PNPLA6: variants seen among roughly 807,000 people sequenced by gnomAD.
PNPLA6 encodes patatin-like phospholipase domain-containing protein 6.
A neutral mutation model predicts 153.7 loss-of-function variants in PNPLA6; 105 were observed. The ratio of observed to expected loss-of-function variants is 0.68; its 90% CI spans 0.58 to 0.80. The LOEUF (loss-of-function observed/expected upper bound fraction) is 0.80, where lower values mean the gene tolerates loss of function less well. Ranked by LOEUF, PNPLA6 falls within the 30% of genes least tolerant of loss-of-function variation. The pLI is 0.00. For missense variants in PNPLA6, 1,423 were observed against 1,919.3 expected (o/e 0.74, Z 4.83); for synonymous variants, 825 against 822.2 (o/e 1.00, Z -0.06).
At chr19:7,549,823 AT>A in intron 13 of PNPLA6, 83 bp from the exon 14 acceptor site, 1 of 1,357,782 alleles carries the variant, frequency 7.4e-7, no homozygotes, top group Non-Finnish European at 1.0e-6. Context: ...TTCTTCTTTA[AT>A]TTTTTCCTGT....
Position 7,541,312 on chromosome 19 carries a change from T to C in PNPLA6, c.925-42T>C, listed in dbSNP as rs1293737602. On this transcript the variant is annotated intron_variant, in intron 7 of 31. Transcript: ENST00000600737. This position sits in a 1 kb window ranked among gnomAD's most constrained non-coding sequence, Gnocchi z 5.2. ...CGGCCCACCATCTGGCCCTGCCCCT[T>C]ACCCCGCCCCATCTTATGGCCACGC... 6.4e-7 allele frequency: 1 copy of C among 1,567,312 alleles called. No individual in the cohort carries two copies. The highest frequency in any genetic ancestry group is 1.1e-5 in the South Asian group (1 of 89,508).
In PNPLA6 at chr19:7,541,040, C is replaced by G; in HGVS notation, c.913C>G (p.Arg305Gly). The change falls in exon 7 of 32, where the codon CGG becomes GGG. Residue 305 changes from arginine to glycine, a missense_variant. By Grantham distance (125) the Arg-to-Gly change is moderately radical. This residue lies in a region of PNPLA6 where 118 missense variants were observed against 158.8 expected (regional missense o/e 0.74). Transcript: ENST00000600737. The surrounding 1 kb of genome is among the most constrained non-coding windows in gnomAD (Gnocchi z 5.2). ...CACCAAGTACCCGGAGAGCTTGGTG[C>G]GGGTCGTGCAGGTCAGTGGGCCTTC... Reference protein sequence around the residue: ...VFTKYPESLVRVVQIIMVRLQ... With the variant: ...VFTKYPESLVGVVQIIMVRLQ... 1.2e-6 allele frequency: 2 copies of G among 1,608,660 alleles called. No individual in the cohort carries two copies. The highest frequency in any genetic ancestry group is 1.7e-6 in the Non-Finnish European group (2 of 1,178,368).
At chr19:7,561,400 T>G (rs911777766) in intron 31 of PNPLA6, 83 bp downstream of exon 31, 22 of 1,426,842 alleles carry the variant, frequency 1.5e-5, no homozygotes, top group Middle Eastern at 2.2e-4. Context: ...GGGGGCGTAT[T>G]TGAGATCCTG....
At chr19:7,535,676 A>G (rs1181855713), upstream of PNPLA6, 1 of 1,534,078 alleles carries the variant, frequency 6.5e-7, no homozygotes, top group South Asian at 1.2e-5. This position sits in a 1 kb window ranked among gnomAD's most constrained non-coding sequence, Gnocchi z 5.0. Context: ...TCTGGCGATA[A>G]CGCGCTGCGT....
At chr19:7,544,056 G>A (rs1369240082) in intron 13 of PNPLA6, among the ~76,000 whole-genome samples, 2 of 151,426 alleles carry the variant, frequency 1.3e-5, no homozygotes, top group Admixed American at 6.6e-5. Context: ...CTCGTGATCC[G>A]CCCGCCTAGG....
chr19:7,550,786 C>A, intron 16 of PNPLA6, 146 bp downstream of exon 16: 1 of 1,113,268 alleles, frequency 9.0e-7, no homozygotes, highest in Non-Finnish European at 1.3e-6. Context: ...GCCCAGACCT[C>A]ATTTCGTTGG....
chr19:7,557,429 T>C, intron 27 of PNPLA6, 145 bp downstream of exon 27: 1 of 692,876 alleles, frequency 1.4e-6, no homozygotes, highest in South Asian at 1.5e-5. Flanking sequence ...TGCGCACACA[T>C]ACGATCACTT....
chr19:7,561,226 T>A lies in PNPLA6; in HGVS notation c.3932T>A (p.Leu1311Gln). ...GCADGEESDC[L>Q]TEYEEDAGPD... ...ATTCCAGGAGAGGAGTCAGATTGTCTGACAGAGTATGAGGAGGACGCCGGA... is the reference window on the plus strand; with the variant it reads ...ATTCCAGGAGAGGAGTCAGATTGTCAGACAGAGTATGAGGAGGACGCCGGA... Residue 1311 changes from leucine to glutamine, a missense_variant, in exon 31 of 32, where the codon CTG (leucine) becomes CAG (glutamine). Physicochemically the swap from Leu to Gln is moderately radical, Grantham distance 113. Coordinates refer to ENST00000600737, the MANE Select transcript of PNPLA6 (RefSeq NM_001166114.2). The A allele has an allele frequency of 6.2e-7, 1 of 1,610,152 alleles. No homozygotes were observed. Among genetic ancestry groups the A allele is most frequent in the South Asian group, 1.1e-5 (1 of 90,146 alleles).
intron 16 of PNPLA6, 73 bp from the exon 17 acceptor site, chr19:7,550,921 G>A: frequency 8.5e-7 from 1 of 1,174,602 alleles, no homozygotes; most frequent in Non-Finnish European, 1.2e-6. Context: ...GGGCAGTACA[G>A]CCCCCTTTCC....
intron 13 of PNPLA6, among the ~76,000 whole-genome samples, chr19:7,549,092 C>T (rs1311677515): frequency 2.7e-5 from 4 of 150,724 alleles, no homozygotes; most frequent in Non-Finnish European, 5.9e-5. Context: ...CATGAGCCAT[C>T]GCGCCCGGCT....
intron 26 of PNPLA6, 123 bp downstream of exon 26, chr19:7,556,847 A>C (rs2023899572): frequency 1.3e-6 from 1 of 785,906 alleles, no homozygotes; most frequent in South Asian, 1.4e-5. Context: ...CCCTGGCCCG[A>C]TCACCGACCA....
chr19:7,535,508 G>A (rs1340354199), upstream of PNPLA6: 2 of 1,579,196 alleles, frequency 1.3e-6, no homozygotes, highest in Non-Finnish European at 1.7e-6. The surrounding 1 kb of genome is among the most constrained non-coding windows in gnomAD (Gnocchi z 5.0). Context: ...TGATTTCCCA[G>A]GACTCCGGGC....
Position 7,541,542 on chromosome 19 carries a change from G to C in PNPLA6, c.1026G>C (p.Leu342=). The change falls in exon 9 of 32, where the codon CTG becomes CTC. Residue 342 remains leucine, a synonymous_variant. Coordinates refer to ENST00000600737, the MANE Select transcript of PNPLA6 (RefSeq NM_001166114.2). This position sits in a 1 kb window ranked among gnomAD's most constrained non-coding sequence, Gnocchi z 5.2. ...CCCAGGAGATCCAGCCCCTGCGTCTGTTCCCCAGCCCCGGCCTCCCAACTC... is the reference window on the plus strand; with the variant it reads ...CCCAGGAGATCCAGCCCCTGCGTCTCTTCCCCAGCCCCGGCCTCCCAACTC... ...LFSHEIQPLR[L]FPSPGLPTRT... The C allele has an allele frequency of 6.2e-7, 1 of 1,605,888 alleles. No homozygotes were observed. The highest frequency in any genetic ancestry group is 1.7e-5 in the Admixed American group (1 of 59,030).
At position 7,552,719 on chromosome 19, in the gene PNPLA6, C is replaced by A. The variant is rs149198464; in HGVS notation, c.2261-1156C>A. Among the ~76,000 whole-genome samples, 654 of 137,816 alleles carry A rather than the reference C, an allele frequency of 4.7e-3. 9 individuals are homozygous for A. The highest frequency in any genetic ancestry group is 0.017 in the African/African-American group (632 of 37,370). The allele number at this position is 137,816 out of a possible 152,430, so 90.4% of individuals were successfully genotyped here. ...GCAGTGAGCCGAGCCTACGCCATTG[C>A]ACTCCAGCCTGGGCAACCAGAGCAA... On this transcript the variant is annotated intron_variant, in intron 18 of 31. Coordinates refer to ENST00000600737, the MANE Select transcript of PNPLA6 (RefSeq NM_001166114.2).
chr19:7,551,893 A>G (rs1418955223), intron 18 of PNPLA6, among the ~76,000 whole-genome samples: 1 of 151,632 alleles, frequency 6.6e-6, no homozygotes, highest in African/African-American at 2.4e-5. Flanking sequence ...TGAGCCCAGG[A>G]GATTGAGTTT....
At position 7,535,889 on chromosome 19, in the gene PNPLA6, C is replaced by T. The variant is rs2022840511; in HGVS notation, c.101C>T (p.Ala34Val). Reference sequence around the variant, plus strand: ...GTCCTGGCGCCCGGGGAAGGCTCGGCGGGACGGATTTGCGGTGCGCAGCCA... The same window carrying T: ...GTCCTGGCGCCCGGGGAAGGCTCGGTGGGACGGATTTGCGGTGCGCAGCCA... ...QDVLAPGEGS[A>V]GRICGAQPVP... The change falls in exon 1 of 32, where the codon GCG (alanine) becomes GTG (valine). Residue 34 changes from alanine (A) to valine (V), a missense_variant. Physicochemically the swap from Ala to Val is moderately conservative, Grantham distance 64. This residue lies in a region of PNPLA6 where 109 missense variants were observed against 109.4 expected (regional missense o/e 1.00). Coordinates refer to ENST00000600737, the MANE Select transcript of PNPLA6 (RefSeq NM_001166114.2). The surrounding 1 kb of genome is among the most constrained non-coding windows in gnomAD (Gnocchi z 5.0). 1 of 1,547,022 alleles carries T rather than the reference C, an allele frequency of 6.5e-7. No homozygotes were observed. Among genetic ancestry groups the T allele is most frequent in the Non-Finnish European group, 8.7e-7 (1 of 1,151,692 alleles).
In PNPLA6 at chr19:7,541,201, C is replaced by G. The variant is rs1445018691; in HGVS notation, c.924+150C>G. On this transcript the variant is annotated intron_variant, in intron 7 of 31. Coordinates refer to ENST00000600737, the MANE Select transcript of PNPLA6 (RefSeq NM_001166114.2). The surrounding 1 kb of genome is among the most constrained non-coding windows in gnomAD (Gnocchi z 5.2). ...GCAGCCAGATGTCTGCAGCCGCGGA[C>G]TCCTCCCTTAGCTGCCTCGCCCCAT... 6.3e-6 allele frequency: 7 copies of G among 1,115,768 alleles called. No homozygotes were observed. Among genetic ancestry groups the G allele is most frequent in the Non-Finnish European group, 9.2e-6 (7 of 757,590 alleles). 69.1% of individuals were successfully genotyped at this position (1,115,768 alleles called of 1,614,324 possible).
chr19:7,536,324 C>T (rs1198372225), intron 2 of PNPLA6, 51 bp downstream of exon 2: 1 of 1,491,436 alleles, frequency 6.7e-7, no homozygotes. Context: ...GGCCGCGCCC[C>T]TTCCCTATTT....
rs1313097367 is a variant in PNPLA6, at chr19:7,555,200, C to T, written c.2818-49C>T. ...GTCAGGGTACCCCTGGGGGATCCGC[C>T]GGACCCCGCCCTCATGCTCCTGGGT... On this transcript the variant is annotated intron_variant, in intron 22 of 31. Coordinates refer to ENST00000600737, the MANE Select transcript of PNPLA6 (RefSeq NM_001166114.2). The surrounding 1 kb of genome is among the most constrained non-coding windows in gnomAD (Gnocchi z 6.3). 1 of 1,535,164 alleles carries T rather than the reference C, an allele frequency of 6.5e-7. No homozygotes were observed. The highest frequency in any genetic ancestry group is 1.2e-5 in the South Asian group (1 of 85,842).
Sources: allele counts gnomAD v4.1 joint callset (sites outside exome capture counted in the v4.1 genomes callset), GRCh38; gene constraint gnomAD v4.1.1; regional missense constraint gnomAD v4.1.1; non-coding constraint Gnocchi (gnomAD v3.1); transcripts MANE v1.5; gene names NCBI Gene and HGNC (gene_info 2026-07-23, HGNC 2026-07-21).